Variants in SERPINI2 observed in about 807,000 individuals in gnomAD.
The protein encoded by SERPINI2 is serpin family I member 2.
A neutral mutation model predicts 47.3 loss-of-function variants in SERPINI2; 48 were observed. The observed-to-expected ratio is 1.02, with a 90% CI of 0.81 to 1.29. SERPINI2 has a LOEUF of 1.29. SERPINI2 is among the 50% of genes most tolerant of loss of function. The pLI, the probability that SERPINI2 is intolerant of heterozygous loss-of-function variation, is 0.00. For missense variants in SERPINI2, 448 were observed against 456.9 expected (o/e 0.98, Z 0.18); for synonymous variants, 135 against 149.3 (o/e 0.90, Z 0.70).
At chr3:167,471,190 C>T (rs1271093809) in intron 2 of SERPINI2, among the ~76,000 whole-genome samples, 1 of 151,818 alleles carries the variant, frequency 6.6e-6, no homozygotes, top group East Asian at 1.9e-4. Flanking sequence ...GAATCAGTTC[C>T]ATGACATGGG....
chr3:167,453,561 A>G (rs1176856411), intron 5 of SERPINI2, among the ~76,000 whole-genome samples: 1 of 152,004 alleles, frequency 6.6e-6, no homozygotes, highest in Non-Finnish European at 1.5e-5. Context: ...TAGTGTATGG[A>G]CAGGCCTAAT....
chr3:167,444,408 G>T (rs1749410783), intron 8 of SERPINI2, among the ~76,000 whole-genome samples: 1 of 152,036 alleles, frequency 6.6e-6, no homozygotes, highest in South Asian at 2.1e-4. Flanking sequence ...AAATTTCCAG[G>T]CTATGTAAAA....
At chr3:167,469,200 G>C (rs1353624665) in intron 2 of SERPINI2, 2 of 152,116 alleles carry the variant, frequency 1.3e-5, no homozygotes, top group Non-Finnish European at 2.9e-5. Flanking sequence ...ATGACAACAA[G>C]TTTATTTCAT....
intron 5 of SERPINI2, among the ~76,000 whole-genome samples, chr3:167,455,604 AAAG>A (rs1290383969): frequency 2.6e-4 from 37 of 142,068 alleles, no homozygotes; most frequent in African/African-American, 9.3e-4. Flanking sequence ...AAAAAAAAAA[AAAG>A]AAAAGAAAAG....
At chr3:167,467,382 T>C in intron 2 of SERPINI2, 97 bp from the exon 3 acceptor site, 1 of 770,070 alleles carries the variant, frequency 1.3e-6, no homozygotes, top group Non-Finnish European at 2.1e-6. Flanking sequence ...ATATCACCGT[T>C]TTTTGCACCC....
At chr3:167,474,914 A>G (rs1750445918), upstream of SERPINI2, among the ~76,000 whole-genome samples, 1 of 151,694 alleles carries the variant, frequency 6.6e-6, no homozygotes, top group Non-Finnish European at 1.5e-5. Context: ...TTGATCCCCA[A>G]ATTTAATACT....
intron 5 of SERPINI2, among the ~76,000 whole-genome samples, chr3:167,459,300 T>G (rs1749913767): frequency 1.3e-5 from 2 of 152,002 alleles, no homozygotes; most frequent in South Asian, 4.2e-4. Context: ...GGTCTCGATC[T>G]CCTGACCTCG....
intron 2 of SERPINI2, among the ~76,000 whole-genome samples, chr3:167,470,795 A>C (rs1221279296): frequency 6.6e-6 from 1 of 151,866 alleles, no homozygotes; most frequent in African/African-American, 2.4e-5. Context: ...TCAGCCTCCC[A>C]AAGTGCTGAG....
rs188371703 is a variant in SERPINI2, at chr3:167,447,924, C to T, written c.1051+1392G>A. On this transcript the variant is annotated intron_variant, in intron 7 of 8. Transcript: ENST00000264677. ...GTGTGTTTCATCCAGATGTCAAAAT[C>T]CATTGGCCCAATGCAGCATTGCAAA... 3.8e-3 allele frequency among the ~76,000 whole-genome samples: 586 copies of T among 152,248 alleles called. 4 individuals are homozygous for T. Among genetic ancestry groups the T allele is most frequent in the African/African-American group, 0.013 (556 of 41,550 alleles).
chr3:167,462,685 G>C (rs1750018212), intron 5 of SERPINI2, among the ~76,000 whole-genome samples: 1 of 152,226 alleles, frequency 6.6e-6, no homozygotes. Flanking sequence ...GAAGAATTAA[G>C]AGAGAAGTCT....
chr3:167,442,036 G>C, exon 9 of SERPINI2: 2 of 1,180,508 alleles, frequency 1.7e-6, no homozygotes, highest in Non-Finnish European at 2.4e-6. Context: ...AGCAAATATT[G>C]TCAAGATGAC....
chr3:167,467,092 T>C, exon 3 of SERPINI2: 1 of 1,613,362 alleles, frequency 6.2e-7, no homozygotes, highest in Admixed American at 1.7e-5. Flanking sequence ...TTATCATCTC[T>C]GCACAAGCCT....
chr3:167,473,596 A>C, intron 1 of SERPINI2: 1 of 397,288 alleles, frequency 2.5e-6, no homozygotes, highest in Non-Finnish European at 4.4e-6. Context: ...TCAGTATTAG[A>C]GTTTCCTTCT....
At chr3:167,457,137 A>G (rs910409470) in intron 5 of SERPINI2, among the ~76,000 whole-genome samples, 1 of 152,346 alleles carries the variant, frequency 6.6e-6, no homozygotes, top group South Asian at 2.1e-4. Context: ...GACTATGGCT[A>G]TTATTAAGAT....
chr3:167,472,262 G>T (rs902792645), intron 1 of SERPINI2, among the ~76,000 whole-genome samples: 1 of 151,922 alleles, frequency 6.6e-6, no homozygotes. Flanking sequence ...AGGAAGAAAT[G>T]GAATAAAAAC....
At chr3:167,454,356 A>G (rs1187895808) in intron 5 of SERPINI2, among the ~76,000 whole-genome samples, 1 of 152,192 alleles carries the variant, frequency 6.6e-6, no homozygotes, top group East Asian at 1.9e-4. Flanking sequence ...TCTACCTGGG[A>G]ATGGACACAA....
At chr3:167,473,835 G>A (rs900220446) in intron 1 of SERPINI2, 168 bp downstream of exon 1, 1 of 1,367,296 alleles carries the variant, frequency 7.3e-7, no homozygotes, top group Non-Finnish European at 9.5e-7. Flanking sequence ...CTTCTGATTT[G>A]TGGTGAAATC....
rs536884425 is a variant in SERPINI2, at chr3:167,470,550, C to CTTTTTTT, written c.247+1031_247+1037dup. On this transcript the variant is annotated intron_variant, in intron 2 of 8. Coordinates refer to ENST00000264677, the Ensembl canonical transcript of SERPINI2. ...AGATAGCTGAGGAGATGAGCAACAACTTTTTTTTTTTTTTTTTTTTTTTTT... is the reference window on the plus strand; with the variant it reads ...AGATAGCTGAGGAGATGAGCAACAACTTTTTTTTTTTTTTTTTTTTTTTTTTTTTTTT... Among the ~76,000 whole-genome samples, 240 of 93,014 alleles carry CTTTTTTT rather than the reference C, an allele frequency of 2.6e-3. 11 individuals are homozygous for CTTTTTTT. Among genetic ancestry groups the CTTTTTTT allele is most frequent in the African/African-American group, 4.0e-3 (71 of 17,626 alleles). 61.0% of individuals were successfully genotyped at this position (93,014 alleles called of 152,430 possible). A position where few individuals can be genotyped will look rare whatever the true frequency, so the allele number is the denominator to read the frequency against.
chr3:167,449,044 T>C (rs1364284708), intron 7 of SERPINI2, among the ~76,000 whole-genome samples: 1 of 152,236 alleles, frequency 6.6e-6, no homozygotes, highest in Non-Finnish European at 1.5e-5. Context: ...AAGTCCTATC[T>C]GCTAATTCAC....
Sources: gnomAD v4.1 joint callset for allele counts (sites outside exome capture counted in the v4.1 genomes callset) on GRCh38, gnomAD v4.1.1 for gene constraint, MANE v1.5 for transcripts, NCBI Gene and HGNC (gene_info 2026-07-23, HGNC 2026-07-21) for gene names.